CCDC3: variants seen among roughly 807,000 people sequenced by gnomAD.
CCDC3 encodes the protein coiled-coil domain-containing protein 3.
A neutral mutation model predicts 21.4 loss-of-function variants in CCDC3; 24 were observed. The observed-to-expected ratio is 1.12, with a 90% CI of 0.81 to 1.58. CCDC3 has a LOEUF of 1.58. CCDC3 is among the 40% of genes most tolerant of loss of function. The pLI, the probability that CCDC3 is intolerant of heterozygous loss-of-function variation, is 0.00. For synonymous variants in CCDC3, 186 were observed against 166.0 expected (o/e 1.12, Z -0.93); for missense variants, 425 against 360.9 (o/e 1.18, Z -1.44).
chr10:12,946,919 A>G (rs895243681), intron 2 of CCDC3, among the ~76,000 whole-genome samples: 1 of 152,140 alleles, frequency 6.6e-6, no homozygotes, highest in Non-Finnish European at 1.5e-5. Context: ...CCCCTCCGCC[A>G]CTAGCATAAG....
intron 5 of CCDC3, among the ~76,000 whole-genome samples, chr10:13,025,854 C>A (rs1017570640): frequency 1.3e-5 from 2 of 152,144 alleles, no homozygotes; most frequent in Admixed American, 6.5e-5. Flanking sequence ...ATAATAGCAC[C>A]AAATATCATC....
chr10:12,953,062 C>T (rs182041013), intron 2 of CCDC3, among the ~76,000 whole-genome samples: 21 of 150,720 alleles, frequency 1.4e-4, no homozygotes, highest in Non-Finnish European at 7.4e-5. Flanking sequence ...CTGATAAAGA[C>T]GTACCCGAGA....
intron 2 of CCDC3, among the ~76,000 whole-genome samples, chr10:12,937,198 C>T (rs1834753054): frequency 6.6e-6 from 1 of 152,056 alleles, no homozygotes; most frequent in South Asian, 2.1e-4. Flanking sequence ...ATACTGGTTC[C>T]CACAGGCGTT....
chr10:12,922,278 C>T (rs61852249), intron 2 of CCDC3, among the ~76,000 whole-genome samples: 6 of 152,096 alleles, frequency 3.9e-5, no homozygotes, highest in African/African-American at 4.8e-5. Flanking sequence ...CCAAGTTACC[C>T]GCACTCGGAC....
At chr10:13,050,110 G>C (rs1274798244) in intron 4 of CCDC3, among the ~76,000 whole-genome samples, 1 of 152,088 alleles carries the variant, frequency 6.6e-6, no homozygotes. Flanking sequence ...GTGTGGGGCT[G>C]AGGCTGTGAG....
At chr10:12,917,298 A>C (rs888494876) in intron 2 of CCDC3, among the ~76,000 whole-genome samples, 1 of 135,596 alleles carries the variant, frequency 7.4e-6, no homozygotes, top group African/African-American at 2.8e-5. Flanking sequence ...GGTTCATGCC[A>C]TTCTCCTGCC....
chr10:13,035,449 A>C (rs1836366638), intron 5 of CCDC3, among the ~76,000 whole-genome samples: 1 of 152,272 alleles, frequency 6.6e-6, no homozygotes, highest in Non-Finnish European at 1.5e-5. Flanking sequence ...AATGAACGGC[A>C]ACATTTTTCA....
At chr10:13,007,587 C>G (rs1002933624) in intron 5 of CCDC3, among the ~76,000 whole-genome samples, 1 of 152,052 alleles carries the variant, frequency 6.6e-6, no homozygotes, top group Non-Finnish European at 1.5e-5. Flanking sequence ...TGAGCTTTTA[C>G]CTTGGTTATA....
intron 2 of CCDC3, among the ~76,000 whole-genome samples, chr10:12,909,479 T>A (rs949457103): frequency 4.6e-5 from 7 of 152,062 alleles, no homozygotes; most frequent in Non-Finnish European, 1.0e-4. Flanking sequence ...CCGGGCTGAG[T>A]GAGGTGCACT....
intron 5 of CCDC3, among the ~76,000 whole-genome samples, chr10:13,027,965 C>T (rs923622118): frequency 6.6e-6 from 1 of 152,182 alleles, no homozygotes; most frequent in African/African-American, 2.4e-5. Context: ...TGATGCTCCT[C>T]TTAGGTGACA....
intron 5 of CCDC3, among the ~76,000 whole-genome samples, chr10:13,041,993 A>T (rs1836463769): frequency 6.6e-6 from 1 of 152,116 alleles, no homozygotes; most frequent in African/African-American, 2.4e-5. Context: ...CCATCTCCCT[A>T]AGAGTGCTGA....
At chr10:13,004,719 G>A (rs1052042253), upstream of CCDC3, among the ~76,000 whole-genome samples, 1 of 151,934 alleles carries the variant, frequency 6.6e-6, no homozygotes, top group Non-Finnish European at 1.5e-5. Flanking sequence ...TGTTAGCTAG[G>A]CCAGCCGTGG....
At chr10:13,016,144 CT>C (rs1427593681) in intron 5 of CCDC3, among the ~76,000 whole-genome samples, 8 of 151,932 alleles carry the variant, frequency 5.3e-5, no homozygotes, top group Admixed American at 4.6e-4. Context: ...TTATCTGCTA[CT>C]GTTTACCTAT....
intron 5 of CCDC3, among the ~76,000 whole-genome samples, chr10:13,014,180 G>A (rs944392934): frequency 9.3e-5 from 14 of 150,728 alleles, no homozygotes; most frequent in African/African-American, 2.4e-4. Context: ...AAAGCCGGGC[G>A]CAGTGGCTCA....
At chr10:12,988,353 C>CTT (rs34835574) in intron 2 of CCDC3, among the ~76,000 whole-genome samples, 1 of 149,248 alleles carries the variant, frequency 6.7e-6, no homozygotes, top group Non-Finnish European at 1.5e-5. Flanking sequence ...TTCCTATTAC[C>CTT]TTTTTTTTTT....
chr10:12,978,958 C>T (rs1835457994), intron 2 of CCDC3, among the ~76,000 whole-genome samples: 1 of 152,118 alleles, frequency 6.6e-6, no homozygotes, highest in Admixed American at 6.5e-5. Context: ...CGCAACACCG[C>T]CTTCCTTTTG....
chr10:12,998,683 C>T (rs1030710756), intron 1 of CCDC3, among the ~76,000 whole-genome samples, 171 bp from the exon 2 acceptor site: 11 of 152,110 alleles, frequency 7.2e-5, no homozygotes, highest in Non-Finnish European at 1.5e-4. Context: ...CACGCTACAT[C>T]AGTCTATCCT....
chr10:13,080,004 G>T (rs1018938513), intron 3 of CCDC3, among the ~76,000 whole-genome samples: 3 of 152,242 alleles, frequency 2.0e-5, no homozygotes, highest in African/African-American at 7.2e-5. Flanking sequence ...GTGCTATAAG[G>T]GCTGTGGATG....
chr10:12,980,807 G>A (rs1364836703), intron 2 of CCDC3, among the ~76,000 whole-genome samples: 5 of 152,186 alleles, frequency 3.3e-5, no homozygotes, highest in Admixed American at 1.3e-4. Flanking sequence ...GCAAGACACC[G>A]AGAGAGGATT....
Sources: gnomAD v4.1 joint callset for allele counts (sites outside exome capture counted in the v4.1 genomes callset) on GRCh38, gnomAD v4.1.1 for gene constraint, MANE v1.5 for transcripts, NCBI Gene and HGNC (gene_info 2026-07-23, HGNC 2026-07-21) for gene names.